Variants in KIAA1210 observed in about 807,000 individuals in gnomAD.
The protein encoded by KIAA1210 is KIAA1210.
In KIAA1210, 48 loss-of-function variants were observed where a neutral mutation model predicts 78.9. The ratio of observed to expected loss-of-function variants is 0.61; its 90% CI spans 0.48 to 0.77. The LOEUF (loss-of-function observed/expected upper bound fraction) is 0.77, where lower values mean the gene tolerates loss of function less well. KIAA1210 is among the 30% of genes least tolerant of loss of function. The pLI is 0.00. For missense variants in KIAA1210, 1,108 were observed against 1,100.0 expected (o/e 1.01, Z -0.10); for synonymous variants, 406 against 404.5 (o/e 1.00, Z -0.04).
chrX:119,144,016 G>A (rs1221175440), intron 2 of KIAA1210, among the ~76,000 whole-genome samples: 1 of 112,492 alleles, frequency 8.9e-6, no homozygotes, highest in Non-Finnish European at 1.9e-5. Context: ...GTATCTGTCA[G>A]TCCAGACACT....
intron 2 of KIAA1210, among the ~76,000 whole-genome samples, chrX:119,117,638 G>A (rs774218444): frequency 2.9e-5 from 3 of 104,385 alleles, no homozygotes; most frequent in Non-Finnish European, 3.9e-5. Context: ...GCATGATCAC[G>A]GCCCACTGCA....
chrX:119,105,827 T>C (rs1444544501), intron 5 of KIAA1210, among the ~76,000 whole-genome samples: 1 of 111,946 alleles, frequency 8.9e-6, no homozygotes, highest in Non-Finnish European at 1.9e-5. Context: ...AAGAAAATGG[T>C]ACACTTGACT....
chrX:119,125,248 C>A lies in KIAA1210; in HGVS notation c.-10-1596G>T, dbSNP rs145880217. On this transcript the variant is annotated intron_variant, in intron 1 of 11. Transcript: ENST00000691062. ...GTGGGAAAAAATAGGGACTCTCATG[C>A]ACTCTGGAGTGAGTAGTTCTAACTC... Among the ~76,000 whole-genome samples, 437 of 111,410 alleles carry A rather than the reference C, an allele frequency of 3.9e-3. 3 individuals carry two copies. Among genetic ancestry groups the A allele is most frequent in the Non-Finnish European group, 1.8e-3 (98 of 53,075 alleles).
Position 119,088,634 on chromosome X carries a change from A to G in KIAA1210, c.2068T>C (p.Cys690Arg). 1 of 1,211,512 alleles carries G rather than the reference A, an allele frequency of 8.3e-7. No individual in the cohort carries two copies. Among genetic ancestry groups the G allele is most frequent in the South Asian group, 1.8e-5 (1 of 56,861 alleles). The change falls in exon 9 of 12, where the codon TGC becomes CGC. Residue 690 changes from cysteine (C) to arginine (R), a missense_variant. Physicochemically the swap from Cys to Arg is radical, Grantham distance 180. Coordinates refer to ENST00000691062, the MANE Select transcript of KIAA1210 (RefSeq NM_001394962.1). ...GGCAGGTCTTCCTCTGAGCTGCTGC[A>G]ATCATCAGAAGTGTTGTACTTTTCA... ...YVEKYNTSDD[C>R]SSSEEDLPLR...
chrX:119,134,384 A>T (rs749743083), intron 2 of KIAA1210, among the ~76,000 whole-genome samples: 1 of 112,449 alleles, frequency 8.9e-6, no homozygotes, highest in Non-Finnish European at 1.9e-5. Flanking sequence ...CTATTGATGG[A>T]CAGTTAGATT....
At chrX:119,110,650 G>A (rs1315459483) in intron 3 of KIAA1210, among the ~76,000 whole-genome samples, 2 of 111,477 alleles carry the variant, frequency 1.8e-5, no homozygotes, top group African/African-American at 6.5e-5. Context: ...CTATACACTT[G>A]CAATGAACAA....
Position 119,087,330 on chromosome X carries a change from G to A in KIAA1210, c.3372C>T (p.Ala1124=). ...EQLSPRQLSQ[A]LRKPEYEQKV... The stretch of plus-strand genomic sequence containing the variant: ...TTTGCTCATACTCAGGTTTCCTCAA[G>A]GCCTGGGAAAGCTGCCTGGGAGACA... The change falls in exon 9 of 12, where the codon GCC becomes GCT. Residue 1124 remains alanine (A), a synonymous_variant. Coordinates refer to ENST00000691062, the MANE Select transcript of KIAA1210 (RefSeq NM_001394962.1). The A allele has an allele frequency of 8.3e-7, 1 of 1,211,393 alleles. No homozygotes were observed. The highest frequency in any genetic ancestry group is 1.1e-6 in the Non-Finnish European group (1 of 895,282).
rs1296707999 is a variant in KIAA1210 at position 119,087,010 on chromosome X, T to G, written c.3692A>C (p.Lys1231Thr). 2 of 1,211,470 alleles carry G rather than the reference T, an allele frequency of 1.7e-6. No homozygotes were observed. Among genetic ancestry groups the G allele is most frequent in the Non-Finnish European group, 2.2e-6 (2 of 895,369 alleles). Residue 1231 changes from lysine to threonine, a missense_variant, in exon 9 of 12, where the codon AAA (lysine) becomes ACA (threonine). Lys to Thr is a moderately conservative substitution (Grantham distance 78). This residue lies in a region of KIAA1210 where 245 missense variants were observed against 278.8 expected (regional missense o/e 0.88). Coordinates refer to ENST00000691062, the MANE Select transcript of KIAA1210 (RefSeq NM_001394962.1). Reference sequence around the variant, plus strand: ...GGAACCTTGGCTGAATTTCTTGGTTTTGATTGCAAAAGCTTCATCTCTTCC... The same window carrying G: ...GGAACCTTGGCTGAATTTCTTGGTTGTGATTGCAAAAGCTTCATCTCTTCC... Reference protein sequence around the residue: ...FLGRDEAFAIKTKKFSQGSKN... With the variant: ...FLGRDEAFAITTKKFSQGSKN...
At chrX:119,130,090 T>A (rs1928754766), upstream of KIAA1210, among the ~76,000 whole-genome samples, 1 of 112,220 alleles carries the variant, frequency 8.9e-6, no homozygotes, top group Non-Finnish European at 1.9e-5. Flanking sequence ...AAAGGCACAG[T>A]GTTCTCTCTG....
upstream of KIAA1210, among the ~76,000 whole-genome samples, chrX:119,130,777 T>C (rs1231731080): frequency 8.9e-6 from 1 of 112,176 alleles, no homozygotes; most frequent in Non-Finnish European, 1.9e-5. Context: ...CGGAACCACT[T>C]CCAAGGACCA....
At chrX:119,129,411 T>C (rs1324564964), upstream of KIAA1210, among the ~76,000 whole-genome samples, 1 of 111,293 alleles carries the variant, frequency 9.0e-6, no homozygotes, top group Non-Finnish European at 1.9e-5. Context: ...AATATATCAT[T>C]AATATTATTT....
intron 2 of KIAA1210, among the ~76,000 whole-genome samples, chrX:119,139,409 A>G (rs981689968): frequency 1.6e-4 from 18 of 111,724 alleles, no homozygotes; most frequent in African/African-American, 5.9e-4. Context: ...GAAATTACCT[A>G]TTGGGTACAA....
At chrX:119,123,687 C>A in intron 1 of KIAA1210, 35 bp from the exon 2 acceptor site, 1 of 981,303 alleles carries the variant, frequency 1.0e-6, no homozygotes, top group South Asian at 2.1e-5. Flanking sequence ...AGCAAAATAT[C>A]ATCATTTGAT....
intron 1 of KIAA1210, among the ~76,000 whole-genome samples, chrX:119,126,840 G>A (rs1405396082): frequency 2.7e-5 from 3 of 112,359 alleles, no homozygotes; most frequent in African/African-American, 9.7e-5. Context: ...GAAGGCCAAG[G>A]TGGGTGGATT....
rs190253723 is a variant in KIAA1210 at position 119,136,803 on chromosome X, G to A, written c.410+10670C>T. Among the ~76,000 whole-genome samples, 219 of 112,222 alleles carry A rather than the reference G, an allele frequency of 2.0e-3. 3 individuals carry two copies. The highest frequency in any genetic ancestry group is 7.0e-3 in the African/African-American group (215 of 30,922). ...TAGGACCTCAGATTTCTTTAACCCT[G>A]ATCCCATGTACAGCCCTGCAGCTCA... On this transcript the variant is annotated intron_variant, in intron 2 of 13. Coordinates refer to the KIAA1210 transcript ENST00000402510.
At chrX:119,122,656 T>C (rs1255691387) in intron 2 of KIAA1210, among the ~76,000 whole-genome samples, 1 of 112,572 alleles carries the variant, frequency 8.9e-6, no homozygotes, top group African/African-American at 3.2e-5. Flanking sequence ...TTCACTCATT[T>C]ATTCATTCAT....
chrX:119,150,515 T>A lies in KIAA1210; in HGVS notation c.65A>T (p.His22Leu), dbSNP rs777040098. ...GGGGCCCAGGTGAGCCAGGTAGGGG[T>A]GCCGGCCAGGAAGGAGAGAAGCGTG... Residue 22 changes from histidine (H) to leucine (L), a missense_variant, in exon 1 of 14, where the codon CAC becomes CTC. His to Leu is a moderately conservative substitution (Grantham distance 99). Coordinates refer to the KIAA1210 transcript ENST00000402510. 3 of 1,210,172 alleles carry A rather than the reference T, an allele frequency of 2.5e-6. No individual in the cohort carries two copies. In the South Asian group the frequency reaches 5.3e-5, roughly 21 times the overall value.
intron 7 of KIAA1210, among the ~76,000 whole-genome samples, chrX:119,095,542 C>G (rs1402148207): frequency 9.0e-6 from 1 of 111,233 alleles, no homozygotes; most frequent in Non-Finnish European, 1.9e-5. Context: ...GGATGTGCTA[C>G]CACACCTGGT....
Position 119,092,901 on chromosome X carries a change from G to A in KIAA1210, c.955+766C>T, listed in dbSNP as rs373040639. ...GTTTTCTTAGTATTCATGGGAAAAC[G>A]TGTTTAGGAATGTCCTGTCTTTGGA... On this transcript the variant is annotated intron_variant, in intron 8 of 11. Transcript: ENST00000691062. Among the ~76,000 whole-genome samples the A allele has an allele frequency of 8.2e-4, 91 of 110,429 alleles. 1 individual carries two copies. Among genetic ancestry groups the A allele is most frequent in the African/African-American group, 2.6e-3 (79 of 30,360 alleles).
Sources: allele counts gnomAD v4.1 joint callset (sites outside exome capture counted in the v4.1 genomes callset), GRCh38; gene constraint gnomAD v4.1.1; regional missense constraint gnomAD v4.1.1; transcripts MANE v1.5; gene names NCBI Gene and HGNC (gene_info 2026-07-23, HGNC 2026-07-21).